Variants in ANAPC16 observed in about 807,000 individuals in gnomAD.
ANAPC16 encodes anaphase-promoting complex subunit 16.
A neutral mutation model predicts 13.1 loss-of-function variants in ANAPC16; 6 were observed. That is an observed-to-expected ratio of 0.46 (90% CI 0.25 to 0.90). ANAPC16 has a LOEUF of 0.90. Ranked by LOEUF, ANAPC16 falls within the 40% of genes least tolerant of loss-of-function variation. ANAPC16 has a pLI of 0.18. For missense variants in ANAPC16, 113 were observed against 131.1 expected (o/e 0.86, Z 0.67); for synonymous variants, 55 against 51.3 (o/e 1.07, Z -0.31).
rs1860381393 is a variant in ANAPC16, at chr10:72,233,189, G to A, written c.*73G>A. 1 of 1,135,640 alleles carries A rather than the reference G, an allele frequency of 8.8e-7. No individual in the cohort carries two copies. Among genetic ancestry groups the A allele is most frequent in the African/African-American group, 1.5e-5 (1 of 65,244 alleles). The allele number at this position is 1,135,640 out of a possible 1,614,324, so 70.3% of individuals were successfully genotyped here. A position where few individuals can be genotyped will look rare whatever the true frequency, so the allele number is the denominator to read the frequency against. On this transcript the variant is annotated 3_prime_UTR_variant, in exon 4 of 4. Transcript: ENST00000299381. ...GGGGGACTTTCTCACAGCTTACATA[G>A]CCATCCAGAGATCCACAGCTACGTC...
chr10:72,218,036 A>G (rs146431293), intron 1 of ANAPC16, among the ~76,000 whole-genome samples: 257 of 150,962 alleles, frequency 1.7e-3, no homozygotes, highest in African/African-American at 6.1e-3. Flanking sequence ...CATTTTGCAG[A>G]TAAGACAACT....
chr10:72,219,222 T>G (rs529829602), intron 1 of ANAPC16, among the ~76,000 whole-genome samples: 1 of 152,334 alleles, frequency 6.6e-6, no homozygotes, highest in East Asian at 1.9e-4. Context: ...GTATACTTTA[T>G]TTGAATCCCA....
At chr10:72,231,046 C>CT (rs1860282881) in intron 3 of ANAPC16, among the ~76,000 whole-genome samples, 1 of 152,168 alleles carries the variant, frequency 6.6e-6, no homozygotes. Context: ...TGTCTATACT[C>CT]TAACATCCTG....
At position 72,233,433 on chromosome 10, in the gene ANAPC16, C is replaced by G. The variant is rs943404148; in HGVS notation, c.*317C>G. 8.7e-5 allele frequency: 21 copies of G among 241,910 alleles called. No homozygotes were observed. Among genetic ancestry groups the G allele is most frequent in the African/African-American group, 4.6e-4 (21 of 45,264 alleles). 15.0% of individuals were successfully genotyped at this position (241,910 alleles called of 1,614,324 possible). A position where few individuals can be genotyped will look rare whatever the true frequency, so the allele number is the denominator to read the frequency against. On this transcript the variant is annotated 3_prime_UTR_variant, in exon 4 of 4. Transcript: ENST00000299381. ...AAGTAGGGCATATATCAGATTTGGC[C>G]AACTGAATGGCGTCTGTCCTGTCAT...
intron 1 of ANAPC16, among the ~76,000 whole-genome samples, chr10:72,217,822 C>G (rs1361613748): frequency 6.6e-6 from 1 of 151,930 alleles, no homozygotes; most frequent in Non-Finnish European, 1.5e-5. Flanking sequence ...AATCCAAAAT[C>G]CTCCAAAATT....
chr10:72,232,985 C>G lies in ANAPC16; in HGVS notation c.218-16C>G. The G allele has an allele frequency of 6.2e-7, 1 of 1,606,350 alleles. No homozygotes were observed. The highest frequency in any genetic ancestry group is 8.5e-7 in the Non-Finnish European group (1 of 1,173,166). On this transcript the variant is annotated splice_polypyrimidine_tract_variant and intron_variant, in intron 3 of 3. Coordinates refer to ENST00000299381, the MANE Select transcript of ANAPC16 (RefSeq NM_173473.4). ...AATACGTTGTTGCATAATATTCTTTCCTTGACTCCTTACAGATCAGCAAGT... is the reference window on the plus strand; with the variant it reads ...AATACGTTGTTGCATAATATTCTTTGCTTGACTCCTTACAGATCAGCAAGT...
intron 2 of ANAPC16, among the ~76,000 whole-genome samples, chr10:72,228,017 C>G (rs1042147440): frequency 2.1e-5 from 3 of 142,492 alleles, no homozygotes; most frequent in Non-Finnish European, 3.0e-5. Flanking sequence ...GGCGACAGAG[C>G]GAGACTTGGT....
intron 2 of ANAPC16, among the ~76,000 whole-genome samples, chr10:72,227,876 C>CA (rs57330798): frequency 0.1 from 8,015 of 76,522 alleles, 797 homozygotes; most frequent in African/African-American, 0.25. Flanking sequence ...ACTAAAAATA[C>CA]AAAAAAAAAA....
intron 2 of ANAPC16, among the ~76,000 whole-genome samples, chr10:72,224,871 A>G (rs2133676680): frequency 6.6e-6 from 1 of 152,314 alleles, no homozygotes; most frequent in East Asian, 1.9e-4. Context: ...TTATAGCACC[A>G]AAGCCAGATT....
intron 1 of ANAPC16, among the ~76,000 whole-genome samples, chr10:72,218,843 T>C (rs1859781095): frequency 6.6e-6 from 1 of 152,250 alleles, no homozygotes. Flanking sequence ...GTTAGCTTTA[T>C]GCTAATTCTG....
At chr10:72,221,547 C>CTTTTTTT (rs910872494) in intron 1 of ANAPC16, among the ~76,000 whole-genome samples, 29 of 91,330 alleles carry the variant, frequency 3.2e-4, no homozygotes, top group Non-Finnish European at 3.8e-4. Context: ...TTTTTCTTTT[C>CTTTTTTT]TTTTTTTTTT....
rs760141665 is a variant in ANAPC16 at position 72,216,043 on chromosome 10, G to C, written c.-123G>C. 3.9e-5 allele frequency: 6 copies of C among 152,370 alleles called. No individual in the cohort carries two copies. Among genetic ancestry groups the C allele is most frequent in the Admixed American group, 2.0e-4 (3 of 15,286 alleles). 9.4% of individuals were successfully genotyped at this position (152,370 alleles called of 1,614,324 possible). A position where few individuals can be genotyped will look rare whatever the true frequency, so the allele number is the denominator to read the frequency against. On this transcript the variant is annotated 5_prime_UTR_variant, in exon 1 of 4. Coordinates refer to ENST00000299381, the MANE Select transcript of ANAPC16 (RefSeq NM_173473.4). ...CCTTCGCCGCTGGCTCCGTCTGTTG[G>C]GGGGCGAACACGCCGCGGTCCTCGT...
At chr10:72,229,590 A>G (rs1860234699) in intron 2 of ANAPC16, among the ~76,000 whole-genome samples, 1 of 152,184 alleles carries the variant, frequency 6.6e-6, no homozygotes. Context: ...CTACCTTTTT[A>G]AAAATCAAAT....
At chr10:72,232,228 A>G in intron 3 of ANAPC16, among the ~76,000 whole-genome samples, 1 of 148,188 alleles carries the variant, frequency 6.7e-6, no homozygotes. Flanking sequence ...GCTTCTGACC[A>G]GCATAGAATA....
chr10:72,216,992 CTCTA>C (rs1201548281), intron 1 of ANAPC16: 3 of 455,338 alleles, frequency 6.6e-6, no homozygotes, highest in African/African-American at 2.0e-5. Context: ...CACAGCGCTT[CTCTA>C]TCTCCTGCAT....
chr10:72,233,054 G>A lies in ANAPC16; in HGVS notation c.271G>A (p.Ala91Thr), dbSNP rs1336809035. ...AGCTGGTTTGGTAGAAGAGCTGGAG[G>A]CTGACGAGTGGCGGTTTAAGCCCAT... The part of the protein sequence containing the change: ...KLAGLVEELE[A>T]DEWRFKPIEQ... Residue 91 changes from alanine to threonine, a missense_variant, in exon 4 of 4, where the codon GCT becomes ACT. By Grantham distance (58) the Ala-to-Thr change is moderately conservative. Coordinates refer to ENST00000299381, the MANE Select transcript of ANAPC16 (RefSeq NM_173473.4). 6.2e-7 allele frequency: 1 copy of A among 1,614,238 alleles called. No individual in the cohort carries two copies.
intron 1 of ANAPC16, among the ~76,000 whole-genome samples, chr10:72,222,929 A>G (rs963248448): frequency 1.3e-5 from 2 of 152,102 alleles, no homozygotes; most frequent in African/African-American, 4.8e-5. Flanking sequence ...TAACATTTGC[A>G]TTTTTTGGTA....
chr10:72,228,770 G>C (rs1001462255), intron 2 of ANAPC16, among the ~76,000 whole-genome samples: 16 of 152,240 alleles, frequency 1.1e-4, no homozygotes, highest in Admixed American at 7.9e-4. Context: ...GTGTGGTGGA[G>C]TGAAATGCAG....
At chr10:72,222,232 A>T (rs1314917394) in intron 1 of ANAPC16, among the ~76,000 whole-genome samples, 1 of 149,410 alleles carries the variant, frequency 6.7e-6, no homozygotes, top group Non-Finnish European at 1.5e-5. Flanking sequence ...ATCCTGGCCA[A>T]CATGGCGAAA....
Sources: gnomAD v4.1 joint callset for allele counts (sites outside exome capture counted in the v4.1 genomes callset) on GRCh38, gnomAD v4.1.1 for gene constraint, MANE v1.5 for transcripts, NCBI Gene and HGNC (gene_info 2026-07-23, HGNC 2026-07-21) for gene names.